Variants in KCNMA1 observed in about 807,000 individuals in gnomAD.
KCNMA1 encodes the protein potassium calcium-activated channel subfamily M alpha 1.
In KCNMA1, 29 loss-of-function variants were observed where a neutral mutation model predicts 140.0. The observed-to-expected ratio is 0.21, with a 90% confidence interval of 0.15 to 0.28. The LOEUF is 0.28. Among genes scored for constraint, KCNMA1 ranks in the 10% least tolerant of loss-of-function variants. The pLI is 1.00. For missense variants in KCNMA1, 880 were observed against 1,602.2 expected (o/e 0.55, Z 7.70); for synonymous variants, 612 against 611.9 (o/e 1.00, Z 0.00).
At chr10:77,604,085 T>C (rs1438199962) in intron 1 of KCNMA1, among the ~76,000 whole-genome samples, 2 of 152,256 alleles carry the variant, frequency 1.3e-5, no homozygotes, top group Non-Finnish European at 2.9e-5. Flanking sequence ...CAGCCTTCTC[T>C]TGATTCTCCA....
At chr10:77,050,809 G>A (rs1428085140) in intron 14 of KCNMA1, among the ~76,000 whole-genome samples, 2 of 152,182 alleles carry the variant, frequency 1.3e-5, no homozygotes, top group African/African-American at 4.8e-5. Context: ...CAGCCTAAAG[G>A]ATTTGAACCA....
intron 1 of KCNMA1, chr10:77,636,756 T>C (rs2093785752): frequency 2.7e-6 from 4 of 1,469,228 alleles, no homozygotes; most frequent in Non-Finnish European, 3.6e-6. Flanking sequence ...TTCTCTCCCT[T>C]GCCCAAAGGA....
rs140397311 is a variant in KCNMA1 at position 77,404,367 on chromosome 10, C to T, written c.379-344G>A. Among the ~76,000 whole-genome samples the T allele has an allele frequency of 2.0e-3, 306 of 152,170 alleles. 1 individual carries two copies. The highest frequency in any genetic ancestry group is 6.9e-3 in the African/African-American group (288 of 41,512). On this transcript the variant is annotated intron_variant, in intron 1 of 27. Transcript: ENST00000286628. ...AATCTCGGCTCTCTGCAACCTCCACCCACCAGGTGCAAGCAATTCTCACGC... is the reference window on the plus strand; with the variant it reads ...AATCTCGGCTCTCTGCAACCTCCACTCACCAGGTGCAAGCAATTCTCACGC...
chr10:77,482,984 TCTCACATA>T (rs1480753844), intron 1 of KCNMA1, among the ~76,000 whole-genome samples: 2 of 113,284 alleles, frequency 1.8e-5, no homozygotes, highest in African/African-American at 7.2e-5. Flanking sequence ...TCTCTCTCTC[TCTCACATA>T]CACACACACA....
chr10:77,376,948 A>AATACATACATACATACATACATACATAC (rs66548732), intron 2 of KCNMA1, among the ~76,000 whole-genome samples: 26 of 148,430 alleles, frequency 1.8e-4, no homozygotes, highest in Admixed American at 5.4e-4. Context: ...AAAATAAATA[A>AATACATACATACATACATACATACATAC]ATACATACAT....
intron 3 of KCNMA1, among the ~76,000 whole-genome samples, chr10:77,204,169 T>G (rs2154160786): frequency 6.6e-6 from 1 of 152,142 alleles, no homozygotes; most frequent in East Asian, 1.9e-4. Flanking sequence ...ACAATATTAC[T>G]ACAATCCCTA....
At chr10:77,253,814 C>T (rs1299644818) in intron 2 of KCNMA1, among the ~76,000 whole-genome samples, 1 of 152,202 alleles carries the variant, frequency 6.6e-6, no homozygotes, top group Non-Finnish European at 1.5e-5. Flanking sequence ...TGATCTGCCT[C>T]TCAGTATTAA....
intron 19 of KCNMA1, among the ~76,000 whole-genome samples, chr10:76,987,298 A>G (rs2081536413): frequency 6.6e-6 from 1 of 152,208 alleles, no homozygotes; most frequent in Non-Finnish European, 1.5e-5. Flanking sequence ...TTTACATGAA[A>G]TGTTACAGGC....
chr10:77,182,952 C>T (rs944477906), intron 5 of KCNMA1, among the ~76,000 whole-genome samples: 2 of 152,194 alleles, frequency 1.3e-5, no homozygotes, highest in Non-Finnish European at 2.9e-5. Flanking sequence ...GAAGCTTCAT[C>T]TCTCCCTGCC....
In KCNMA1 at chr10:76,885,286, A is replaced by G; in HGVS notation, c.*1980T>C. 1.5e-6 allele frequency: 1 copy of G among 678,794 alleles called. No individual in the cohort carries two copies. The highest frequency in any genetic ancestry group is 1.8e-6 in the Non-Finnish European group (1 of 551,458). The allele number at this position is 678,794 out of a possible 1,614,324, so 42.0% of individuals were successfully genotyped here. A position where few individuals can be genotyped will look rare whatever the true frequency, so the allele number is the denominator to read the frequency against. On this transcript the variant is annotated 3_prime_UTR_variant, in exon 28 of 28. Coordinates refer to ENST00000286628, the MANE Select transcript of KCNMA1 (RefSeq NM_001161352.2). Reference sequence around the variant, plus strand: ...AGTTTATATAAAGAGATAGTTATACATAATATAAATCAATATATAGAGGGA... The same window carrying G: ...AGTTTATATAAAGAGATAGTTATACGTAATATAAATCAATATATAGAGGGA...
At chr10:77,602,810 G>A (rs577890740) in intron 1 of KCNMA1, among the ~76,000 whole-genome samples, 1 of 152,312 alleles carries the variant, frequency 6.6e-6, no homozygotes, top group Admixed American at 6.5e-5. Context: ...TCGGGGTTCT[G>A]AGTAACCAAA....
intron 3 of KCNMA1, among the ~76,000 whole-genome samples, chr10:77,239,486 C>G (rs2056648644): frequency 6.6e-6 from 1 of 152,192 alleles, no homozygotes; most frequent in Non-Finnish European, 1.5e-5. Context: ...TTGTTAAGGA[C>G]AACTGCATTC....
At chr10:77,387,739 T>A (rs1174270199) in intron 2 of KCNMA1, among the ~76,000 whole-genome samples, 1 of 152,044 alleles carries the variant, frequency 6.6e-6, no homozygotes, top group Non-Finnish European at 1.5e-5. Flanking sequence ...TGCCTCAGCC[T>A]CCCAAGTAGC....
At chr10:77,476,660 A>C (rs887476470) in intron 1 of KCNMA1, among the ~76,000 whole-genome samples, 1 of 152,200 alleles carries the variant, frequency 6.6e-6, no homozygotes, top group African/African-American at 2.4e-5. Context: ...TGGACTGATA[A>C]TGTCATCGTC....
intron 1 of KCNMA1, among the ~76,000 whole-genome samples, chr10:77,571,685 G>T (rs550747928): frequency 3.9e-5 from 6 of 152,234 alleles, no homozygotes; most frequent in Non-Finnish European, 8.8e-5. Flanking sequence ...ACCTGGCAAG[G>T]GTCCCAGGTC....
chr10:77,457,931 C>T (rs2097787113), intron 1 of KCNMA1, among the ~76,000 whole-genome samples: 1 of 151,290 alleles, frequency 6.6e-6, no homozygotes, highest in African/African-American at 2.5e-5. Context: ...CTGTTTACTG[C>T]CTTTTTCTAA....
chr10:77,368,863 T>C (rs993717946), intron 2 of KCNMA1, among the ~76,000 whole-genome samples: 1 of 152,232 alleles, frequency 6.6e-6, no homozygotes, highest in African/African-American at 2.4e-5. Context: ...TAGGTCTATT[T>C]TTGGACTCTA....
chr10:76,956,621 G>A (rs2068420478), intron 20 of KCNMA1, among the ~76,000 whole-genome samples: 1 of 152,136 alleles, frequency 6.6e-6, no homozygotes, highest in Non-Finnish European at 1.5e-5. Context: ...AGCATGGAAT[G>A]GAGGCTACAG....
chr10:77,466,629 C>G (rs1411726125), intron 1 of KCNMA1, among the ~76,000 whole-genome samples: 4 of 152,180 alleles, frequency 2.6e-5, no homozygotes, highest in African/African-American at 9.7e-5. Flanking sequence ...ATATAATCAA[C>G]CATTGAAGGC....
Sources: gnomAD v4.1 joint callset for allele counts (sites outside exome capture counted in the v4.1 genomes callset) on GRCh38, gnomAD v4.1.1 for gene constraint, MANE v1.5 for transcripts, NCBI Gene and HGNC (gene_info 2026-07-23, HGNC 2026-07-21) for gene names.